Variants in SEMA5B observed in about 807,000 individuals in gnomAD.
SEMA5B encodes the protein semaphorin-5B.
Under a neutral mutation model 135.0 loss-of-function variants are expected in SEMA5B, and 66 were observed. The observed-to-expected ratio is 0.49, with a 90% CI of 0.40 to 0.60. The LOEUF (loss-of-function observed/expected upper bound fraction) is 0.60, where lower values mean the gene tolerates loss of function less well. Among genes scored for constraint, SEMA5B ranks in the 20% least tolerant of loss-of-function variants. The pLI is 0.00. For synonymous variants in SEMA5B, 690 were observed against 639.5 expected (o/e 1.08, Z -1.19); for missense variants, 1,501 against 1,566.3 (o/e 0.96, Z 0.70).
chr3:122,916,282 A>G (rs933819427), intron 12 of SEMA5B, among the ~76,000 whole-genome samples: 3 of 152,204 alleles, frequency 2.0e-5, no homozygotes, highest in Non-Finnish European at 2.9e-5. Context: ...CAGGAACCCA[A>G]AGAGGAAATG....
At chr3:123,014,387 G>A (rs948515819) in intron 1 of SEMA5B, among the ~76,000 whole-genome samples, 3 of 152,250 alleles carry the variant, frequency 2.0e-5, no homozygotes, top group Non-Finnish European at 2.9e-5. Flanking sequence ...GATGTTGGTA[G>A]ACAAGGGAAA....
chr3:122,975,794 C>T (rs1017080500), intron 1 of SEMA5B, among the ~76,000 whole-genome samples: 1 of 152,098 alleles, frequency 6.6e-6, no homozygotes, highest in Non-Finnish European at 1.5e-5. Context: ...CAGTCTACAG[C>T]AATGATTTGG....
At chr3:122,991,518 C>G (rs780277194) in intron 1 of SEMA5B, among the ~76,000 whole-genome samples, 1 of 152,200 alleles carries the variant, frequency 6.6e-6, no homozygotes, top group Non-Finnish European at 1.5e-5. Context: ...AAACATCCTA[C>G]AAGGCATAGG....
At chr3:122,965,637 A>G (rs61183512) in intron 1 of SEMA5B, among the ~76,000 whole-genome samples, 11,248 of 152,292 alleles carry the variant, frequency 0.074, 1,399 homozygotes, top group African/African-American at 0.25. Flanking sequence ...TGAAGTGATT[A>G]AATGAATCTC....
intron 1 of SEMA5B, among the ~76,000 whole-genome samples, chr3:122,994,814 G>A (rs1414515539): frequency 1.3e-5 from 2 of 152,220 alleles, no homozygotes; most frequent in Admixed American, 6.5e-5. Context: ...TCATAGGGCT[G>A]TTGTGAGAAA....
chr3:122,983,464 G>A (rs1325533198), intron 1 of SEMA5B, among the ~76,000 whole-genome samples: 1 of 151,776 alleles, frequency 6.6e-6, no homozygotes, highest in Non-Finnish European at 1.5e-5. Context: ...GGACGGGGCG[G>A]GGTGGTAAAA....
chr3:122,953,317 T>C (rs1266808807), intron 2 of SEMA5B, among the ~76,000 whole-genome samples: 1 of 152,150 alleles, frequency 6.6e-6, no homozygotes, highest in Non-Finnish European at 1.5e-5. Flanking sequence ...TAGCCCTGTA[T>C]GTGGCCAGAT....
At chr3:122,963,225 A>C (rs1453647777) in intron 1 of SEMA5B, among the ~76,000 whole-genome samples, 2 of 152,206 alleles carry the variant, frequency 1.3e-5, no homozygotes, top group African/African-American at 4.8e-5. Context: ...GGCCGAGTGC[A>C]GTGGCTCATG....
intron 1 of SEMA5B, among the ~76,000 whole-genome samples, chr3:122,986,461 G>T (rs771836091): frequency 6.6e-6 from 1 of 152,114 alleles, no homozygotes; most frequent in Non-Finnish European, 1.5e-5. Flanking sequence ...TCTAATATTT[G>T]AAAAACAAAT....
At chr3:122,974,075 G>A (rs919298280) in intron 1 of SEMA5B, among the ~76,000 whole-genome samples, 9 of 152,140 alleles carry the variant, frequency 5.9e-5, no homozygotes, top group African/African-American at 2.2e-4. Context: ...GGCTGGCTGA[G>A]GGGAGAGAGA....
chr3:122,970,352 A>G (rs1476038174), intron 1 of SEMA5B, among the ~76,000 whole-genome samples: 1 of 152,216 alleles, frequency 6.6e-6, no homozygotes, highest in Non-Finnish European at 1.5e-5. Flanking sequence ...GTGCATCAGA[A>G]TTGCCTGGAG....
intron 1 of SEMA5B, among the ~76,000 whole-genome samples, chr3:123,001,508 C>T (rs951619861): frequency 6.6e-6 from 1 of 152,172 alleles, no homozygotes; most frequent in Admixed American, 6.5e-5. Flanking sequence ...ACATCTGCCC[C>T]ACTCTATCCA....
At position 122,919,457 on chromosome 3, in the gene SEMA5B, A is replaced by G. The variant is rs75736861; in HGVS notation, c.1688+2458T>C. Reference sequence around the variant, plus strand: ...CGTGGGGCTGAGATTCTCCTGAGTGAAAAGAGGCAGTTGGAGATAACCCCT... The same window carrying G: ...CGTGGGGCTGAGATTCTCCTGAGTGGAAAGAGGCAGTTGGAGATAACCCCT... On this transcript the variant is annotated intron_variant, in intron 12 of 22. Coordinates refer to ENST00000357599, the MANE Select transcript of SEMA5B (RefSeq NM_001031702.4). Among the ~76,000 whole-genome samples the G allele has an allele frequency of 6.6e-3, 1,005 of 152,252 alleles. 12 individuals are homozygous for G. Among genetic ancestry groups the G allele is most frequent in the African/African-American group, 0.023 (957 of 41,542 alleles).
At chr3:122,922,502 C>G in intron 10 of SEMA5B, 55 bp from the exon 11 acceptor site, 1 of 1,492,966 alleles carries the variant, frequency 6.7e-7, no homozygotes. Flanking sequence ...GCCGCCATCC[C>G]CCGCCGGCTC....
intron 12 of SEMA5B, among the ~76,000 whole-genome samples, chr3:122,919,284 G>A (rs1440002871): frequency 2.0e-5 from 3 of 152,156 alleles, no homozygotes; most frequent in Non-Finnish European, 4.4e-5. Flanking sequence ...CCCTCTCAAA[G>A]GCAGGGTGAA....
Position 122,921,987 on chromosome 3 carries a change from G to A in SEMA5B, c.1616C>T (p.Ala539Val). 2 of 1,534,870 alleles carry A rather than the reference G, an allele frequency of 1.3e-6. No homozygotes were observed. Among genetic ancestry groups the A allele is most frequent in the Non-Finnish European group, 1.7e-6 (2 of 1,144,466 alleles). Reference protein sequence around the residue: ...RSLRILHSARALFVGLRDGVL... With the variant: ...RSLRILHSARVLFVGLRDGVL... ...GCCGTCTCTCAGCCCCACGAAGAGC[G>A]CGCGGGCGCTGTGCAGGATGCGCAG... is the stretch of plus-strand genomic sequence containing the variant. The change falls in exon 12 of 23, where the codon GCG becomes GTG. Residue 539 changes from alanine (A) to valine (V), a missense_variant. Ala to Val is a moderately conservative substitution (Grantham distance 64). Coordinates refer to ENST00000357599, the MANE Select transcript of SEMA5B (RefSeq NM_001031702.4).
At chr3:122,919,521 C>T (rs1465349925) in intron 12 of SEMA5B, among the ~76,000 whole-genome samples, 2 of 152,246 alleles carry the variant, frequency 1.3e-5, no homozygotes, top group African/African-American at 4.8e-5. Flanking sequence ...GAGGCCTCTG[C>T]TTACCCACCC....
intron 4 of SEMA5B, among the ~76,000 whole-genome samples, chr3:122,941,027 A>T (rs1939533585): frequency 6.6e-6 from 1 of 152,230 alleles, no homozygotes; most frequent in Non-Finnish European, 1.5e-5. Flanking sequence ...GAGCTGGAAT[A>T]TGAGAACAGA....
At chr3:122,967,494 A>T (rs1428151937) in intron 1 of SEMA5B, among the ~76,000 whole-genome samples, 2 of 152,192 alleles carry the variant, frequency 1.3e-5, no homozygotes, top group Non-Finnish European at 2.9e-5. Flanking sequence ...AACCTTCTCC[A>T]GAGGCCTGCC....
Sources: allele counts gnomAD v4.1 joint callset (sites outside exome capture counted in the v4.1 genomes callset), GRCh38; gene constraint gnomAD v4.1.1; transcripts MANE v1.5; gene names NCBI Gene and HGNC (gene_info 2026-07-23, HGNC 2026-07-21).